The following TBC1D5 variants were observed in gnomAD, a reference collection of about 807,000 sequenced individuals.
TBC1D5 encodes TBC1 domain family, member 5.
In TBC1D5, 75 loss-of-function variants were observed where a neutral mutation model predicts 100.3. That is an observed-to-expected ratio of 0.75 (90% CI 0.62 to 0.91). The LOEUF (loss-of-function observed/expected upper bound fraction) is 0.91. Among genes scored for constraint, TBC1D5 ranks in the 40% least tolerant of loss-of-function variants. The pLI is 0.00. For missense variants in TBC1D5, 910 were observed against 942.4 expected (o/e 0.97, Z 0.45); for synonymous variants, 323 against 325.6 (o/e 0.99, Z 0.09).
At chr3:17,282,498 C>T (rs2080717686) in intron 15 of TBC1D5, among the ~76,000 whole-genome samples, 1 of 152,172 alleles carries the variant, frequency 6.6e-6, no homozygotes, top group South Asian at 2.1e-4. Flanking sequence ...AACAAGTTAA[C>T]CCATGGATTT....
At chr3:17,646,199 A>C (rs986833609) in intron 1 of TBC1D5, among the ~76,000 whole-genome samples, 2 of 152,112 alleles carry the variant, frequency 1.3e-5, no homozygotes, top group African/African-American at 4.8e-5. Context: ...CATGTGACTG[A>C]AGTAATATAA....
At chr3:17,588,494 G>A (rs1190188504) in intron 2 of TBC1D5, among the ~76,000 whole-genome samples, 1 of 152,082 alleles carries the variant, frequency 6.6e-6, no homozygotes, top group Non-Finnish European at 1.5e-5. Context: ...TATTGTCAGT[G>A]TATAAGTTAC....
At chr3:17,676,609 T>A (rs2068669554) in intron 1 of TBC1D5, among the ~76,000 whole-genome samples, 1 of 152,142 alleles carries the variant, frequency 6.6e-6, no homozygotes, top group African/African-American at 2.4e-5. Flanking sequence ...GCCATCCCCA[T>A]CAAGCTACCA....
At chr3:17,695,647 T>C (rs2071934353) in intron 1 of TBC1D5, among the ~76,000 whole-genome samples, 1 of 152,232 alleles carries the variant, frequency 6.6e-6, no homozygotes, top group African/African-American at 2.4e-5. Context: ...ACAATAATAA[T>C]GGGAGACTTT....
chr3:17,203,001 C>A (rs975041717), intron 18 of TBC1D5, among the ~76,000 whole-genome samples: 1 of 152,208 alleles, frequency 6.6e-6, no homozygotes, highest in Non-Finnish European at 1.5e-5. Context: ...CCACTGTCCT[C>A]CAGACCCCAG....
rs553687031 is a variant in TBC1D5 at position 17,626,171 on chromosome 3, A to G, written c.-100-2258T>C. Among the ~76,000 whole-genome samples the G allele has an allele frequency of 1.4e-3, 209 of 152,300 alleles. 1 individual carries two copies. Among genetic ancestry groups the G allele is most frequent in the African/African-American group, 4.7e-3 (194 of 41,572 alleles). ...AAAAATTATAAATACCAATGACAGC[A>G]GAGGGGAAAAAAGAGGTCAATTTTC... On this transcript the variant is annotated intron_variant, in intron 1 of 21. Transcript: ENST00000253692.
At chr3:17,495,849 C>A (rs1182111552) in intron 3 of TBC1D5, among the ~76,000 whole-genome samples, 1 of 152,210 alleles carries the variant, frequency 6.6e-6, no homozygotes, top group Non-Finnish European at 1.5e-5. Context: ...GAATGACCTA[C>A]TTTATGATGT....
chr3:17,544,630 G>A (rs563236672), intron 2 of TBC1D5, among the ~76,000 whole-genome samples: 4 of 138,672 alleles, frequency 2.9e-5, no homozygotes, highest in African/African-American at 1.1e-4. Context: ...CAACCTGGGC[G>A]ACAAAGTGAG....
intron 1 of TBC1D5, among the ~76,000 whole-genome samples, chr3:17,712,590 G>A (rs900933439): frequency 5.9e-5 from 9 of 152,168 alleles, no homozygotes; most frequent in African/African-American, 2.2e-4. Flanking sequence ...TTAACATACA[G>A]TCCTACTCAT....
chr3:17,537,305 C>T (rs998885280), intron 2 of TBC1D5, among the ~76,000 whole-genome samples: 1 of 152,182 alleles, frequency 6.6e-6, no homozygotes, highest in African/African-American at 2.4e-5. Flanking sequence ...AGCATGGCCT[C>T]AGGTCTTGCT....
At chr3:17,283,983 C>T (rs2080882882) in intron 15 of TBC1D5, among the ~76,000 whole-genome samples, 1 of 151,976 alleles carries the variant, frequency 6.6e-6, no homozygotes, top group African/African-American at 2.4e-5. Flanking sequence ...GTTCCTTTTC[C>T]TCCATTAGCT....
Position 17,359,233 on chromosome 3 carries a change from A to G in TBC1D5, c.995+12842T>C, listed in dbSNP as rs539333153. 3.0e-3 allele frequency among the ~76,000 whole-genome samples: 456 copies of G among 152,222 alleles called. 4 individuals carry two copies. Among genetic ancestry groups the G allele is most frequent in the African/African-American group, 0.01 (432 of 41,564 alleles). ...GTTGGTTGAAGAATTTTTATCTTTTATCCTTTATAATAGAGTGTAATAAAT... is the reference window on the plus strand; with the variant it reads ...GTTGGTTGAAGAATTTTTATCTTTTGTCCTTTATAATAGAGTGTAATAAAT... On this transcript the variant is annotated intron_variant, in intron 13 of 21. Coordinates refer to ENST00000253692, the Ensembl canonical transcript of TBC1D5.
At chr3:17,177,413 A>T (rs745703993) in intron 19 of TBC1D5, among the ~76,000 whole-genome samples, 1 of 152,256 alleles carries the variant, frequency 6.6e-6, no homozygotes, top group Non-Finnish European at 1.5e-5. Context: ...ATGGAGGCTG[A>T]AAAAGAACTT....
intron 1 of TBC1D5, among the ~76,000 whole-genome samples, chr3:17,709,781 G>A (rs1017698595): frequency 4.6e-5 from 7 of 152,218 alleles, no homozygotes; most frequent in Admixed American, 3.9e-4. Flanking sequence ...AAATATAGGA[G>A]TTGCTGTTGC....
rs112705531 is a variant in TBC1D5 at position 17,353,542 on chromosome 3, C to T, written c.995+18533G>A. Among the ~76,000 whole-genome samples, 112 of 152,114 alleles carry T rather than the reference C, an allele frequency of 7.4e-4. 1 individual carries two copies. The highest frequency in any genetic ancestry group is 2.4e-3 in the African/African-American group (100 of 41,538). ...ATTTCAATGCATAACTATGTGAATG[C>T]GAAGCCATCATCTATAAATATAGAC... On this transcript the variant is annotated intron_variant, in intron 13 of 21. Transcript: ENST00000253692.
chr3:17,292,007 T>G lies in TBC1D5; in HGVS notation c.1139-6A>C. The G allele has an allele frequency of 1.9e-6, 3 of 1,608,184 alleles. No individual in the cohort carries two copies. The highest frequency in any genetic ancestry group is 1.7e-6 in the Non-Finnish European group (2 of 1,175,772). On this transcript the variant is annotated splice_region_variant and splice_polypyrimidine_tract_variant and intron_variant, in intron 14 of 21. Coordinates refer to ENST00000253692, the Ensembl canonical transcript of TBC1D5. ...CTGGTAGTTACTAGAGATCACTAAA[T>G]AAGAAGAAAAAATAATTCAGATGCA... is the stretch of plus-strand genomic sequence containing the variant.
intron 1 of TBC1D5, among the ~76,000 whole-genome samples, chr3:17,649,326 G>A (rs545881489): frequency 2.0e-5 from 3 of 152,184 alleles, no homozygotes; most frequent in African/African-American, 7.2e-5. Context: ...CTTGAGGGTG[G>A]AGGCTGAGAT....
rs186949843 is a variant in TBC1D5 at position 17,563,878 on chromosome 3, C to G, written c.-35-55273G>C. On this transcript the variant is annotated intron_variant, in intron 2 of 21. Coordinates refer to ENST00000253692, the Ensembl canonical transcript of TBC1D5. ...GCTCTCTGCAAGCTCCGCCTCCTGG[C>G]TTCACGCCATTCTCCTGCCTCAGCC... is the stretch of plus-strand genomic sequence containing the variant. 9.5e-3 allele frequency among the ~76,000 whole-genome samples: 1,447 copies of G among 152,250 alleles called. 82 individuals are homozygous for G. The highest frequency in any genetic ancestry group is 0.072 in the Admixed American group (1,100 of 15,290).
At chr3:17,547,288 GT>G (rs142090289) in intron 2 of TBC1D5, among the ~76,000 whole-genome samples, 7,581 of 152,126 alleles carry the variant, frequency 0.05, 597 homozygotes, top group African/African-American at 0.17. Context: ...AAAAGGGACT[GT>G]TTTAAAATGA....
Sources: gnomAD v4.1 joint callset for allele counts (sites outside exome capture counted in the v4.1 genomes callset) on GRCh38, gnomAD v4.1.1 for gene constraint, MANE v1.5 for transcripts, NCBI Gene and HGNC (gene_info 2026-07-23, HGNC 2026-07-21) for gene names.